Variants in DKK3 observed in about 807,000 individuals in gnomAD.
DKK3 encodes dickkopf Wnt signaling pathway inhibitor 3.
A neutral mutation model predicts 33.2 loss-of-function variants in DKK3; 22 were observed. The observed-to-expected ratio is 0.66, with a 90% CI of 0.47 to 0.95. The LOEUF (loss-of-function observed/expected upper bound fraction) is 0.95. Among genes scored for constraint, DKK3 ranks in the 40% least tolerant of loss-of-function variants. The pLI is 0.00. For missense variants in DKK3, 398 were observed against 458.4 expected (o/e 0.87, Z 1.20); for synonymous variants, 194 against 188.8 (o/e 1.03, Z -0.23).
intron 1 of DKK3, among the ~76,000 whole-genome samples, chr11:12,005,990 A>G (rs1040735208): frequency 1.3e-5 from 2 of 152,196 alleles, no homozygotes; most frequent in Non-Finnish European, 2.9e-5. Context: ...GTTATCATTC[A>G]TACTGCTACT....
chr11:12,006,930 A>G (rs993825616), intron 1 of DKK3, among the ~76,000 whole-genome samples: 1 of 152,098 alleles, frequency 6.6e-6, no homozygotes, highest in Non-Finnish European at 1.5e-5. Context: ...GGCATCGCAA[A>G]CTCCACTTAA....
At chr11:11,972,868 C>T (rs758481410) in intron 3 of DKK3, among the ~76,000 whole-genome samples, 10 of 150,652 alleles carry the variant, frequency 6.6e-5, no homozygotes, top group Admixed American at 5.3e-4. Flanking sequence ...GGAGGGAAGG[C>T]GGGGGCTCTG....
chr11:12,007,810 G>A (rs933868918), intron 1 of DKK3, among the ~76,000 whole-genome samples: 5 of 152,128 alleles, frequency 3.3e-5, no homozygotes, highest in Non-Finnish European at 7.4e-5. Flanking sequence ...ATCCTCATCC[G>A]CCACTCATAC....
intron 3 of DKK3, among the ~76,000 whole-genome samples, chr11:11,995,182 C>G (rs866634050): frequency 1.3e-5 from 2 of 152,296 alleles, no homozygotes; most frequent in South Asian, 4.1e-4. Context: ...TGGGCTCAAG[C>G]GATCCTCCTG....
In DKK3 at chr11:11,997,941, TC is replaced by T. The variant is rs1848333501; in HGVS notation, c.435+754del. On this transcript the variant is annotated intron_variant, in intron 3 of 6. Transcript: ENST00000683431. Reference sequence around the variant, plus strand: ...CCATCTGGATACAGGGGGGCTGGCTTCCTGCGGTCTTCATAAAAAAGGCACA... The same window carrying T: ...CCATCTGGATACAGGGGGGCTGGCTTCTGCGGTCTTCATAAAAAAGGCACA... 3.3e-5 allele frequency among the ~76,000 whole-genome samples: 5 copies of T among 151,920 alleles called. No individual in the cohort carries two copies. The South Asian group carries it at 1.0e-3, about 32-fold the overall frequency.
chr11:12,002,775 C>T (rs191314305), intron 1 of DKK3, among the ~76,000 whole-genome samples: 15 of 152,190 alleles, frequency 9.9e-5, no homozygotes, highest in Middle Eastern at 3.4e-3. Context: ...AGTCTTGCTC[C>T]CTGTGTAAAC....
In DKK3 at chr11:12,008,412, C is replaced by T. The variant is rs367998480; in HGVS notation, c.171G>A (p.Leu57=). The part of the protein sequence containing the change: ...LNEMFREVEE[L]MEDTQHKLRS... ...GCAATTTGTGCTGCGTGTCCTCCAT[C>T]AGTTCCTCAACCTCGCGGAACATCT... Residue 57 remains leucine (L), a synonymous_variant, in exon 1 of 7, where the codon CTG becomes CTA. Transcript: ENST00000683431. The surrounding 1 kb of genome is among the most constrained non-coding windows in gnomAD (Gnocchi z 4.6). 6.0e-5 allele frequency: 97 copies of T among 1,610,058 alleles called. No homozygotes were observed. Among genetic ancestry groups the T allele is most frequent in the Non-Finnish European group, 8.0e-5 (94 of 1,179,070 alleles).
intron 3 of DKK3, among the ~76,000 whole-genome samples, chr11:11,983,601 G>C (rs911450168): frequency 1.3e-5 from 2 of 152,238 alleles, no homozygotes; most frequent in African/African-American, 4.8e-5. Flanking sequence ...GTCAGAGGAT[G>C]CTTCACGCAG....
chr11:11,997,238 A>G (rs983165870), intron 3 of DKK3, among the ~76,000 whole-genome samples: 1 of 151,674 alleles, frequency 6.6e-6, no homozygotes, highest in Non-Finnish European at 1.5e-5. Context: ...TTTTTTTTTG[A>G]CTTGAGAACA....
chr11:11,984,002 A>T lies in DKK3; in HGVS notation c.435+14694T>A, dbSNP rs539484743. On this transcript the variant is annotated intron_variant, in intron 3 of 6. Coordinates refer to ENST00000683431, the MANE Select transcript of DKK3 (RefSeq NM_001018057.2). Reference sequence around the variant, plus strand: ...TGGGGATGTCACTCCAATGAAGGCAACAGACAGATCCTTCTACAGCCTCCC... The same window carrying T: ...TGGGGATGTCACTCCAATGAAGGCATCAGACAGATCCTTCTACAGCCTCCC... 3.3e-5 allele frequency among the ~76,000 whole-genome samples: 5 copies of T among 152,368 alleles called. No homozygotes were observed. The South Asian group carries it at 8.3e-4, about 25-fold the overall frequency.
chr11:11,985,140 T>C (rs1376224121), intron 3 of DKK3, among the ~76,000 whole-genome samples: 1 of 152,190 alleles, frequency 6.6e-6, no homozygotes, highest in African/African-American at 2.4e-5. Context: ...GAAGGTGGTC[T>C]GGGCACACCC....
chr11:12,003,179 C>G (rs1848466401), intron 1 of DKK3, among the ~76,000 whole-genome samples: 1 of 152,180 alleles, frequency 6.6e-6, no homozygotes, highest in Admixed American at 6.5e-5. Flanking sequence ...CCCAAATGCA[C>G]TATTTGCTCT....
intron 3 of DKK3, among the ~76,000 whole-genome samples, chr11:11,982,627 T>C (rs1046145573): frequency 3.3e-5 from 5 of 152,048 alleles, no homozygotes; most frequent in Admixed American, 2.0e-4. Flanking sequence ...CCGTGGAGGG[T>C]AGCAGCGCCC....
Position 11,966,959 on chromosome 11 carries a change from T to C in DKK3, c.668A>G (p.Gln223Arg). The C allele has an allele frequency of 6.2e-7, 1 of 1,613,818 alleles. No individual in the cohort carries two copies. Among genetic ancestry groups the C allele is most frequent in the Non-Finnish European group, 8.5e-7 (1 of 1,179,828 alleles). Reference protein sequence around the residue: ...DCQPGLCCAFQRGLLFPVCTP... With the variant: ...DCQPGLCCAFRRGLLFPVCTP... ...TCTGAGGGGAGGCCACTCACCTCTC[T>C]GGAAGGCACAGCACAGCCCCGGCTG... Residue 223 changes from glutamine to arginine, a missense_variant, in exon 5 of 7, where the codon CAG (glutamine) becomes CGG (arginine). By Grantham distance (43) the Gln-to-Arg change is conservative. Coordinates refer to ENST00000683431, the MANE Select transcript of DKK3 (RefSeq NM_001018057.2).
At chr11:11,989,289 T>A (rs1041990248) in intron 3 of DKK3, among the ~76,000 whole-genome samples, 2 of 152,192 alleles carry the variant, frequency 1.3e-5, no homozygotes, top group Non-Finnish European at 1.5e-5. Context: ...TTATTCACAA[T>A]AGCCAAAAGG....
chr11:11,984,108 A>G (rs1309369006), intron 3 of DKK3, among the ~76,000 whole-genome samples: 1 of 152,182 alleles, frequency 6.6e-6, no homozygotes, highest in Admixed American at 6.5e-5. Context: ...TTTTTAAAAT[A>G]AGGGGTCTTA....
intron 1 of DKK3, among the ~76,000 whole-genome samples, chr11:12,004,936 G>A (rs141316962): frequency 5.9e-5 from 9 of 152,296 alleles, no homozygotes; most frequent in South Asian, 4.1e-4. Context: ...GAGAAGAAAT[G>A]GGGCTGAGAT....
At chr11:12,006,773 G>A (rs1219378434) in intron 1 of DKK3, among the ~76,000 whole-genome samples, 1 of 152,214 alleles carries the variant, frequency 6.6e-6, no homozygotes, top group African/African-American at 2.4e-5. Flanking sequence ...AGAAGCTAAC[G>A]TCAGAGGACC....
At chr11:11,975,152 A>T (rs540908082) in intron 3 of DKK3, among the ~76,000 whole-genome samples, 1 of 152,290 alleles carries the variant, frequency 6.6e-6, no homozygotes, top group South Asian at 2.1e-4. Flanking sequence ...GTACTTTGTG[A>T]TGGCAGCCCT....
Sources: allele counts gnomAD v4.1 joint callset (sites outside exome capture counted in the v4.1 genomes callset), GRCh38; gene constraint gnomAD v4.1.1; non-coding constraint Gnocchi (gnomAD v3.1); transcripts MANE v1.5; gene names NCBI Gene and HGNC (gene_info 2026-07-23, HGNC 2026-07-21).